LARGE1: variants seen among roughly 807,000 people sequenced by gnomAD.
LARGE1 encodes the protein LARGE xylosyl- and glucuronyltransferase 1, also known as xylosyl- and glucuronyltransferase LARGE1.
In LARGE1, 43 loss-of-function variants were observed where a neutral mutation model predicts 87.6. The ratio of observed to expected loss-of-function variants is 0.49; its 90% CI spans 0.38 to 0.63. The LOEUF (loss-of-function observed/expected upper bound fraction) is 0.63, where lower values mean the gene tolerates loss of function less well. LARGE1 is among the 30% of genes least tolerant of loss of function. LARGE1 has a pLI of 0.00. For missense variants in LARGE1, 802 were observed against 1,000.2 expected (o/e 0.80, Z 2.67); for synonymous variants, 434 against 394.6 (o/e 1.10, Z -1.18).
At chr22:33,350,910 T>C (rs778727830) in intron 9 of LARGE1, among the ~76,000 whole-genome samples, 8 of 152,290 alleles carry the variant, frequency 5.3e-5, no homozygotes, top group African/African-American at 1.7e-4. Context: ...ACCTGTCCCA[T>C]GAAGGGTCAA....
Position 33,868,492 on chromosome 22 carries a change from G to A in LARGE1, c.-83+51503C>T, listed in dbSNP as rs73154541. Among the ~76,000 whole-genome samples, 1,113 of 152,186 alleles carry A rather than the reference G, an allele frequency of 7.3e-3. 9 individuals are homozygous for A. The highest frequency in any genetic ancestry group is 0.022 in the South Asian group (104 of 4,820). On this transcript the variant is annotated intron_variant, in intron 1 of 14. Coordinates refer to ENST00000397394, the MANE Select transcript of LARGE1 (RefSeq NM_133642.5). Reference sequence around the variant, plus strand: ...CAGGGCTGAAATGAGGTTAGGTGATGCTCCCCACGTGGCCTAAAACCATTA... The same window carrying A: ...CAGGGCTGAAATGAGGTTAGGTGATACTCCCCACGTGGCCTAAAACCATTA...
intron 6 of LARGE1, among the ~76,000 whole-genome samples, chr22:33,503,765 C>T (rs2070624424): frequency 1.3e-5 from 2 of 151,788 alleles, no homozygotes; most frequent in Admixed American, 1.3e-4. Context: ...CATCACTGCA[C>T]TCTAGCCTGG....
At chr22:33,551,245 C>T (rs2077514176) in intron 6 of LARGE1, among the ~76,000 whole-genome samples, 1 of 152,138 alleles carries the variant, frequency 6.6e-6, no homozygotes, top group Non-Finnish European at 1.5e-5. Context: ...ATCAATAGTG[C>T]CAACATGGAG....
At chr22:33,922,640 A>G (rs897874182), upstream of LARGE1, 2 of 152,230 alleles carry the variant, frequency 1.3e-5, no homozygotes, top group African/African-American at 4.8e-5. Flanking sequence ...GATGAGCCTC[A>G]CCGTGCACGT....
At chr22:33,510,276 C>T (rs2070993733) in intron 6 of LARGE1, among the ~76,000 whole-genome samples, 1 of 152,150 alleles carries the variant, frequency 6.6e-6, no homozygotes, top group Non-Finnish European at 1.5e-5. Context: ...AATAACATGC[C>T]TACTAGGTCC....
intron 6 of LARGE1, among the ~76,000 whole-genome samples, chr22:33,434,617 G>A (rs1031096087): frequency 6.6e-6 from 1 of 152,044 alleles, no homozygotes; most frequent in African/African-American, 2.4e-5. Context: ...ATCTTTTATT[G>A]AATTTAGGGG....
At chr22:33,827,023 T>C (rs4820118) in intron 1 of LARGE1, among the ~76,000 whole-genome samples, 110,132 of 151,802 alleles carry the variant, frequency 0.73, 40,380 homozygotes, top group East Asian at 0.97. Flanking sequence ...ATGCAGCCTA[T>C]CAAACAAAAG....
At chr22:33,588,156 G>A (rs765418217) in intron 5 of LARGE1, among the ~76,000 whole-genome samples, 9 of 152,336 alleles carry the variant, frequency 5.9e-5, no homozygotes, top group Middle Eastern at 6.8e-3. Context: ...CACATGCTAA[G>A]AATTGGGAAG....
chr22:33,518,495 G>C (rs1174478491), intron 6 of LARGE1, among the ~76,000 whole-genome samples: 2 of 152,214 alleles, frequency 1.3e-5, no homozygotes, highest in Admixed American at 1.3e-4. Context: ...TTTTAGCAGA[G>C]ATGGAGTTTC....
At chr22:33,314,716 G>A (rs1935967470) in intron 11 of LARGE1, among the ~76,000 whole-genome samples, 2 of 152,144 alleles carry the variant, frequency 1.3e-5, no homozygotes, top group African/African-American at 4.8e-5. Flanking sequence ...AATTGTAGGA[G>A]CTGAGGGGGG....
chr22:33,377,822 A>G (rs867189093), intron 9 of LARGE1, among the ~76,000 whole-genome samples: 12 of 152,224 alleles, frequency 7.9e-5, no homozygotes, highest in Middle Eastern at 3.4e-3. Flanking sequence ...TTCTCTCTTC[A>G]GCTGTGTTTA....
chr22:33,780,843 C>A (rs1432038984), intron 1 of LARGE1, among the ~76,000 whole-genome samples: 2 of 152,202 alleles, frequency 1.3e-5, no homozygotes, highest in Non-Finnish European at 2.9e-5. Flanking sequence ...GCACCCCGGC[C>A]TCAATACAAA....
chr22:33,442,985 G>A (rs1042181682), intron 6 of LARGE1, among the ~76,000 whole-genome samples: 1 of 151,980 alleles, frequency 6.6e-6, no homozygotes, highest in Non-Finnish European at 1.5e-5. Context: ...GTAGAGACAG[G>A]TTTTCACCGT....
At chr22:33,847,338 T>C (rs541116769) in intron 1 of LARGE1, among the ~76,000 whole-genome samples, 1 of 152,362 alleles carries the variant, frequency 6.6e-6, no homozygotes, top group Admixed American at 6.5e-5. Flanking sequence ...GTCTTATCCA[T>C]CTTCCAAAAT....
intron 1 of LARGE1, among the ~76,000 whole-genome samples, chr22:33,820,587 G>A (rs750014711): frequency 2.6e-5 from 4 of 152,004 alleles, no homozygotes; most frequent in African/African-American, 7.2e-5. Context: ...TCAGCCTCCC[G>A]AAGTGCTAGG....
chr22:33,284,178 A>T (rs1931068813), intron 12 of LARGE1, among the ~76,000 whole-genome samples: 3 of 152,216 alleles, frequency 2.0e-5, no homozygotes, highest in Non-Finnish European at 4.4e-5. Context: ...CAGGGGTTAC[A>T]GCCCAGCCTG....
At chr22:33,660,762 C>T (rs1472169617) in intron 2 of LARGE1, among the ~76,000 whole-genome samples, 1 of 152,222 alleles carries the variant, frequency 6.6e-6, no homozygotes, top group Admixed American at 6.5e-5. Flanking sequence ...CTCAATGTGG[C>T]TATTTACTAT....
In LARGE1 at chr22:33,204,543, A is replaced by G. The variant is rs140000167; in HGVS notation, c.1731-37711T>C. On this transcript the variant is annotated intron_variant, in intron 11 of 11. Coordinates refer to the LARGE1 transcript ENST00000608642. ...TTCTAGCACCTAATTAATCAAAGTC[A>G]AGCACTGTTATCCCAGAAATGTCTC... Among the ~76,000 whole-genome samples, 31 of 152,350 alleles carry G rather than the reference A, an allele frequency of 2.0e-4. No individual in the cohort carries two copies. In the East Asian group the frequency reaches 5.4e-3, roughly 27 times the overall value.
chr22:33,311,034 C>T (rs1935529728), intron 11 of LARGE1, among the ~76,000 whole-genome samples: 1 of 151,760 alleles, frequency 6.6e-6, no homozygotes, highest in Non-Finnish European at 1.5e-5. Flanking sequence ...GATCTCAGCT[C>T]ACTGCAAGCT....
Sources: gnomAD v4.1 joint callset for allele counts (sites outside exome capture counted in the v4.1 genomes callset) on GRCh38, gnomAD v4.1.1 for gene constraint, MANE v1.5 for transcripts, NCBI Gene and HGNC (gene_info 2026-07-23, HGNC 2026-07-21) for gene names.